Variants in SNX30 observed in about 807,000 individuals in gnomAD.
SNX30 encodes the protein sorting nexin-30.
A neutral mutation model predicts 46.4 loss-of-function variants in SNX30; 24 were observed. That is an observed-to-expected ratio of 0.52 (90% CI 0.37 to 0.73). The LOEUF (loss-of-function observed/expected upper bound fraction) is 0.73. SNX30 is among the 30% of genes least tolerant of loss of function. The probability of loss-of-function intolerance (pLI) is 0.00; values close to 1 mark genes in which losing one functional copy is unlikely to be tolerated. For synonymous variants in SNX30, 189 were observed against 211.5 expected (o/e 0.89, Z 0.92); for missense variants, 533 against 555.7 (o/e 0.96, Z 0.41).
chr9:112,814,344 G>C (rs62576409), intron 2 of SNX30, among the ~76,000 whole-genome samples: 1 of 152,042 alleles, frequency 6.6e-6, no homozygotes, highest in African/African-American at 2.4e-5. Flanking sequence ...AGGCTCAAGC[G>C]ATCCTCCCAC....
intron 2 of SNX30, among the ~76,000 whole-genome samples, chr9:112,805,599 G>C: frequency 6.6e-6 from 1 of 152,164 alleles, no homozygotes; most frequent in East Asian, 1.9e-4. Flanking sequence ...CTCCTGAGTA[G>C]CTGAGATTAT....
rs569463304 is a variant in SNX30 at position 112,779,373 on chromosome 9, C to T, written c.157-25403C>T. On this transcript the variant is annotated intron_variant, in intron 1 of 8. Transcript: ENST00000374232. ...TTTCATATTCTCTTTTTTTCCTTCC[C>T]GGTCTGTTGCTCAAGTGAACACATA... is the stretch of plus-strand genomic sequence containing the variant. Among the ~76,000 whole-genome samples the T allele has an allele frequency of 5.3e-5, 8 of 152,140 alleles. No individual in the cohort carries two copies. The South Asian group carries it at 8.3e-4, about 16-fold the overall frequency.
chr9:112,819,074 T>C (rs1170897439), intron 3 of SNX30, among the ~76,000 whole-genome samples: 1 of 152,264 alleles, frequency 6.6e-6, no homozygotes, highest in East Asian at 1.9e-4. Flanking sequence ...AAAAATAAAC[T>C]GCATTTTAGA....
intron 6 of SNX30, among the ~76,000 whole-genome samples, chr9:112,841,153 C>T (rs1207239033): frequency 6.6e-6 from 1 of 152,224 alleles, no homozygotes; most frequent in Non-Finnish European, 1.5e-5. Flanking sequence ...CAAATATTCT[C>T]TTAACCTTGC....
chr9:112,763,846 TAA>T (rs60051703), intron 1 of SNX30, among the ~76,000 whole-genome samples: 233 of 123,550 alleles, frequency 1.9e-3, no homozygotes, highest in Middle Eastern at 0.013. Context: ...AGACTCTGAC[TAA>T]AAAAAAAAAA....
At chr9:112,807,743 G>A (rs1274455802) in intron 2 of SNX30, among the ~76,000 whole-genome samples, 4 of 152,166 alleles carry the variant, frequency 2.6e-5, no homozygotes, top group Non-Finnish European at 4.4e-5. Context: ...AAATACTACA[G>A]GACTCCCATT....
intron 1 of SNX30, among the ~76,000 whole-genome samples, chr9:112,769,669 G>A (rs368125363): frequency 6.6e-6 from 1 of 152,172 alleles, no homozygotes; most frequent in Non-Finnish European, 1.5e-5. Flanking sequence ...TTGGACTGCT[G>A]TAGGACTCCA....
chr9:112,861,668 G>C (rs1841235172), intron 7 of SNX30, among the ~76,000 whole-genome samples: 1 of 152,206 alleles, frequency 6.6e-6, no homozygotes, highest in Admixed American at 6.5e-5. Flanking sequence ...TGCCAGTCTT[G>C]CGAGCTGCAG....
chr9:112,788,367 C>T (rs1839964230), intron 1 of SNX30, among the ~76,000 whole-genome samples: 1 of 152,100 alleles, frequency 6.6e-6, no homozygotes, highest in Non-Finnish European at 1.5e-5. Context: ...GTGCACTCCG[C>T]GTGTGTAGTA....
intron 3 of SNX30, among the ~76,000 whole-genome samples, chr9:112,823,785 G>T (rs1840541039): frequency 6.6e-6 from 1 of 151,904 alleles, no homozygotes; most frequent in Non-Finnish European, 1.5e-5. Context: ...TTTTTCTACT[G>T]TTAAAAATAT....
At chr9:112,878,664 T>C (rs1841542895), downstream of SNX30, 1 of 152,250 alleles carries the variant, frequency 6.6e-6, no homozygotes, top group South Asian at 2.1e-4. Flanking sequence ...CTTCACCTGA[T>C]AGACAGTACA....
intron 3 of SNX30, among the ~76,000 whole-genome samples, chr9:112,829,827 ATCAT>A (rs942736701): frequency 3.9e-5 from 6 of 151,980 alleles, no homozygotes; most frequent in Admixed American, 6.6e-5. Context: ...GAAATGGCGT[ATCAT>A]GATGGTTTTA....
intron 1 of SNX30, among the ~76,000 whole-genome samples, chr9:112,788,243 C>A (rs787275): frequency 1.3e-5 from 2 of 151,914 alleles, no homozygotes; most frequent in Non-Finnish European, 2.9e-5. Context: ...AATCAACAAG[C>A]ACATACTCAG....
At position 112,768,647 on chromosome 9, in the gene SNX30, C is replaced by CTTCTTCTTCTTCTTTTTTTTT. The variant is rs1554748345; in HGVS notation, c.156+17492_156+17493insCTTCTTCTTCTTTTTTTTTTT. ...AAGTTTCTCTAGATAATTCTTTCTT[C>CTTCTTCTTCTTCTTTTTTTTT]TTTTTTTTTTTTTTTTTTTTTTTTT... On this transcript the variant is annotated intron_variant, in intron 1 of 8. Transcript: ENST00000374232. Among the ~76,000 whole-genome samples, 2 of 64,366 alleles carry CTTCTTCTTCTTCTTTTTTTTT rather than the reference C, an allele frequency of 3.1e-5. 1 individual carries two copies. Among genetic ancestry groups the CTTCTTCTTCTTCTTTTTTTTT allele is most frequent in the African/African-American group, 1.1e-4 (2 of 18,760 alleles). 42.2% of individuals were successfully genotyped at this position (64,366 alleles called of 152,430 possible). A position where few individuals can be genotyped will look rare whatever the true frequency, so the allele number is the denominator to read the frequency against.
At chr9:112,856,404 G>A (rs145828823) in intron 7 of SNX30, among the ~76,000 whole-genome samples, 61 of 150,228 alleles carry the variant, frequency 4.1e-4, no homozygotes, top group African/African-American at 1.3e-3. Context: ...TAGGGAGGGC[G>A]TGTGGTGTGT....
chr9:112,819,179 T>A (rs1284676678), intron 3 of SNX30, among the ~76,000 whole-genome samples: 1 of 152,162 alleles, frequency 6.6e-6, no homozygotes, highest in Non-Finnish European at 1.5e-5. Flanking sequence ...GTGGCACTTT[T>A]GTCAAAATGA....
At chr9:112,834,497 G>A (rs1056498464) in intron 4 of SNX30, among the ~76,000 whole-genome samples, 4 of 152,150 alleles carry the variant, frequency 2.6e-5, no homozygotes, top group Admixed American at 6.5e-5. Flanking sequence ...TGGGCGAGGC[G>A]TGGGGGAAGG....
At chr9:112,817,853 C>G in intron 3 of SNX30, 38 bp downstream of exon 3, 1 of 1,370,432 alleles carries the variant, frequency 7.3e-7, no homozygotes, top group African/African-American at 1.4e-5. Context: ...TCTCACTTGT[C>G]CTGTGTTGTC....
chr9:112,853,219 G>C (rs917705876), intron 7 of SNX30, among the ~76,000 whole-genome samples: 1 of 152,230 alleles, frequency 6.6e-6, no homozygotes, highest in African/African-American at 2.4e-5. Context: ...CAGATGATGA[G>C]GATTGGAACT....
Sources: gnomAD v4.1 joint callset for allele counts (sites outside exome capture counted in the v4.1 genomes callset) on GRCh38, gnomAD v4.1.1 for gene constraint, MANE v1.5 for transcripts, NCBI Gene and HGNC (gene_info 2026-07-23, HGNC 2026-07-21) for gene names.